Variants in SLC9A9 observed in about 807,000 individuals in gnomAD.
SLC9A9 encodes solute carrier family 9 member A9.
In SLC9A9, 62 loss-of-function variants were observed where a neutral mutation model predicts 77.8. The observed-to-expected ratio is 0.80, with a 90% CI of 0.65 to 0.98. The LOEUF (loss-of-function observed/expected upper bound fraction) is 0.98, where lower values mean the gene tolerates loss of function less well. Among genes scored for constraint, SLC9A9 ranks in the 50% least tolerant of loss-of-function variants. The probability of loss-of-function intolerance (pLI) is 0.00; values close to 1 mark genes in which losing one functional copy is unlikely to be tolerated. For missense variants in SLC9A9, 775 were observed against 774.9 expected (o/e 1.00, Z 0.00); for synonymous variants, 320 against 283.5 (o/e 1.13, Z -1.29).
chr3:143,326,729 CTTAAT>C (rs1326601871), intron 14 of SLC9A9, among the ~76,000 whole-genome samples: 1 of 152,148 alleles, frequency 6.6e-6, no homozygotes, highest in East Asian at 1.9e-4. Flanking sequence ...ATTCTACTTG[CTTAAT>C]TTGAGTTTTG....
intron 6 of SLC9A9, among the ~76,000 whole-genome samples, chr3:143,589,434 C>A (rs189966719): frequency 6.6e-6 from 1 of 152,088 alleles, no homozygotes; most frequent in South Asian, 2.1e-4. Context: ...GATTACAATA[C>A]GGTATTTTTT....
intron 14 of SLC9A9, among the ~76,000 whole-genome samples, chr3:143,306,861 C>T (rs779007557): frequency 1.4e-4 from 22 of 152,200 alleles, no homozygotes; most frequent in Non-Finnish European, 2.9e-4. Flanking sequence ...CCCTGTCTTT[C>T]CCTGTTCTAG....
intron 11 of SLC9A9, among the ~76,000 whole-genome samples, chr3:143,468,740 T>C (rs962331676): frequency 6.6e-6 from 1 of 152,234 alleles, no homozygotes; most frequent in Non-Finnish European, 1.5e-5. Context: ...AATGATTACA[T>C]AGTTTTACAA....
rs148632596 is a variant in SLC9A9, at chr3:143,627,021, C to A, written c.755+25234G>T. ...CCAAGTAGCTGGGACTACAGGCGTG[C>A]ACCACCATGCCTGGCTAATTTTTGT... On this transcript the variant is annotated intron_variant, in intron 6 of 15. Transcript: ENST00000316549. 4.6e-3 allele frequency among the ~76,000 whole-genome samples: 694 copies of A among 152,028 alleles called. 2 individuals carry two copies. The highest frequency in any genetic ancestry group is 0.016 in the African/African-American group (668 of 41,468).
At chr3:143,779,863 G>A (rs918823959) in intron 4 of SLC9A9, among the ~76,000 whole-genome samples, 6 of 152,216 alleles carry the variant, frequency 3.9e-5, no homozygotes, top group African/African-American at 1.2e-4. Context: ...AGGTCTTGAA[G>A]TGAAATTATT....
At chr3:143,666,802 A>C (rs567541571) in intron 5 of SLC9A9, among the ~76,000 whole-genome samples, 7 of 152,264 alleles carry the variant, frequency 4.6e-5, no homozygotes, top group Admixed American at 1.3e-4. Context: ...TCAAGGAGAA[A>C]TACAAAACAC....
intron 12 of SLC9A9, among the ~76,000 whole-genome samples, chr3:143,434,568 GC>G (rs2034586920): frequency 6.6e-6 from 1 of 152,042 alleles, no homozygotes; most frequent in South Asian, 2.1e-4. Context: ...GAGGGCACAG[GC>G]TGGAAAAGAG....
Position 143,574,080 on chromosome 3 carries a change from G to A in SLC9A9, c.1000+8C>T. ...CATCCAGTTGGCTGTGCAGCATGAAGCACTGACCTGTTAGGCCGGCAGCCT... is the reference window on the plus strand; with the variant it reads ...CATCCAGTTGGCTGTGCAGCATGAAACACTGACCTGTTAGGCCGGCAGCCT... On this transcript the variant is annotated splice_region_variant and intron_variant, in intron 8 of 15. Coordinates refer to ENST00000316549, the MANE Select transcript of SLC9A9 (RefSeq NM_173653.4). The A allele has an allele frequency of 6.2e-7, 1 of 1,611,350 alleles. No homozygotes were observed. Among genetic ancestry groups the A allele is most frequent in the South Asian group, 1.1e-5 (1 of 90,970 alleles).
At chr3:143,590,422 A>G (rs529798985) in intron 6 of SLC9A9, among the ~76,000 whole-genome samples, 1 of 152,350 alleles carries the variant, frequency 6.6e-6, no homozygotes, top group South Asian at 2.1e-4. Context: ...TTCTAATAAT[A>G]TAAAGGCATT....
chr3:143,785,845 C>CTTT lies in SLC9A9; in HGVS notation c.533+9153_533+9155dup, dbSNP rs57552730. On this transcript the variant is annotated intron_variant, in intron 4 of 15. Transcript: ENST00000316549. ...GAGTAATTCTAAGACTTGAATTTTT[C>CTTT]TTTTTTTTTTTTTTTTTTTTTTTTT... is the stretch of plus-strand genomic sequence containing the variant. Among the ~76,000 whole-genome samples, 70 of 112,996 alleles carry CTTT rather than the reference C, an allele frequency of 6.2e-4. 2 individuals are homozygous for CTTT. Among genetic ancestry groups the CTTT allele is most frequent in the Non-Finnish European group, 1.0e-3 (54 of 52,272 alleles). 74.1% of individuals were successfully genotyped at this position (112,996 alleles called of 152,430 possible).
chr3:143,628,752 C>T (rs566148135), intron 6 of SLC9A9, among the ~76,000 whole-genome samples: 1 of 152,196 alleles, frequency 6.6e-6, no homozygotes, highest in African/African-American at 2.4e-5. Context: ...TTGGTGGTAT[C>T]AGAGTTCATA....
chr3:143,660,655 A>G (rs192646410), intron 5 of SLC9A9, among the ~76,000 whole-genome samples: 15 of 152,320 alleles, frequency 9.8e-5, no homozygotes, highest in Admixed American at 8.5e-4. Flanking sequence ...CTAGCAAACA[A>G]ATACACTCTG....
At chr3:143,379,202 TA>T (rs1212053569) in intron 13 of SLC9A9, among the ~76,000 whole-genome samples, 1 of 152,148 alleles carries the variant, frequency 6.6e-6, no homozygotes, top group Admixed American at 6.5e-5. Flanking sequence ...CCCAGTTTAA[TA>T]AATGCAAATC....
intron 12 of SLC9A9, among the ~76,000 whole-genome samples, chr3:143,404,060 CACTG>C (rs2033917173): frequency 6.6e-6 from 1 of 152,076 alleles, no homozygotes; most frequent in Non-Finnish European, 1.5e-5. Context: ...TCATCAAGTT[CACTG>C]ACTATTTCTT....
chr3:143,532,433 C>T (rs1321313616), intron 9 of SLC9A9, among the ~76,000 whole-genome samples: 1 of 152,150 alleles, frequency 6.6e-6, no homozygotes, highest in Non-Finnish European at 1.5e-5. Flanking sequence ...TTGACAACTA[C>T]CAATTATAGT....
At chr3:143,302,146 T>G (rs914290191) in intron 14 of SLC9A9, among the ~76,000 whole-genome samples, 1 of 152,158 alleles carries the variant, frequency 6.6e-6, no homozygotes, top group Non-Finnish European at 1.5e-5. Context: ...CTTTTGCAAC[T>G]CTGGATTGTG....
chr3:143,379,378 G>A (rs2033249732), intron 13 of SLC9A9, among the ~76,000 whole-genome samples: 1 of 152,222 alleles, frequency 6.6e-6, no homozygotes, highest in Non-Finnish European at 1.5e-5. Context: ...TGGCAGCTGT[G>A]AGGACACTGC....
chr3:143,744,089 T>C (rs1935146462), intron 4 of SLC9A9, among the ~76,000 whole-genome samples: 1 of 152,200 alleles, frequency 6.6e-6, no homozygotes, highest in African/African-American at 2.4e-5. Flanking sequence ...ATATTTACTA[T>C]GTCCCAGATA....
chr3:143,558,661 G>T (rs1353289642), intron 8 of SLC9A9, among the ~76,000 whole-genome samples: 1 of 152,156 alleles, frequency 6.6e-6, no homozygotes, highest in Admixed American at 6.6e-5. Flanking sequence ...GGAATGCAAT[G>T]CCTGTACCCT....
Sources: allele counts gnomAD v4.1 joint callset (sites outside exome capture counted in the v4.1 genomes callset), GRCh38; gene constraint gnomAD v4.1.1; transcripts MANE v1.5; gene names NCBI Gene and HGNC (gene_info 2026-07-23, HGNC 2026-07-21).